Variants in CAMK4 observed in about 807,000 individuals in gnomAD.
CAMK4 encodes calcium/calmodulin dependent protein kinase IV, also known as calcium/calmodulin-dependent protein kinase type IV.
CAMK4 carries 22 observed loss-of-function variants against 44.9 expected under a neutral mutation model. The ratio of observed to expected loss-of-function variants is 0.49; its 90% CI spans 0.35 to 0.70. The LOEUF (loss-of-function observed/expected upper bound fraction) is 0.70. Ranked by LOEUF, CAMK4 falls within the 30% of genes least tolerant of loss-of-function variation. The pLI is 0.01. For synonymous variants in CAMK4, 218 were observed against 215.4 expected (o/e 1.01, Z -0.11); for missense variants, 498 against 586.8 (o/e 0.85, Z 1.56).
chr5:111,319,160 C>T (rs1167403892), intron 1 of CAMK4, among the ~76,000 whole-genome samples: 1 of 152,146 alleles, frequency 6.6e-6, no homozygotes, highest in East Asian at 1.9e-4. Flanking sequence ...CAATTCAAGG[C>T]AGTGTGCAAT....
At chr5:111,384,730 C>T (rs1751538127) in intron 4 of CAMK4, among the ~76,000 whole-genome samples, 1 of 152,286 alleles carries the variant, frequency 6.6e-6, no homozygotes, top group South Asian at 2.1e-4. Flanking sequence ...CCCAGTGCTT[C>T]TGCCCTGTTG....
At chr5:111,256,928 A>C (rs1469809375) in intron 1 of CAMK4, among the ~76,000 whole-genome samples, 1 of 152,114 alleles carries the variant, frequency 6.6e-6, no homozygotes, top group East Asian at 1.9e-4. Flanking sequence ...AAATCCGTTA[A>C]AAAAATAGAC....
At chr5:111,397,860 G>T (rs1430746876) in intron 5 of CAMK4, among the ~76,000 whole-genome samples, 1 of 152,092 alleles carries the variant, frequency 6.6e-6, no homozygotes, top group Non-Finnish European at 1.5e-5. Flanking sequence ...AGGGACATGT[G>T]CCCCTCAGTC....
At chr5:111,282,042 G>C (rs939654385) in intron 1 of CAMK4, among the ~76,000 whole-genome samples, 4 of 150,696 alleles carry the variant, frequency 2.7e-5, no homozygotes, top group African/African-American at 9.9e-5. Flanking sequence ...CTGGGCGACA[G>C]CGAGACTCCG....
chr5:111,259,821 T>A (rs940229746), intron 1 of CAMK4, among the ~76,000 whole-genome samples: 24 of 152,166 alleles, frequency 1.6e-4, no homozygotes, highest in Admixed American at 1.4e-3. Context: ...GGTGTGAAAG[T>A]GGATTTTTAT....
At position 111,427,511 on chromosome 5, in the gene CAMK4, G is replaced by C. The variant is rs1183844178; in HGVS notation, c.460-19175G>C. Among the ~76,000 whole-genome samples, 31 of 152,164 alleles carry C rather than the reference G, an allele frequency of 2.0e-4. 1 individual carries two copies. The highest frequency in any genetic ancestry group is 2.0e-3 in the Admixed American group (31 of 15,282). ...ATTTTGGACCCGCCCTACCCCAGAG[G>C]GGAGCCCACTGCCATGAAGGGTGAG... On this transcript the variant is annotated intron_variant, in intron 5 of 10. Coordinates refer to ENST00000282356, the MANE Select transcript of CAMK4 (RefSeq NM_001744.6).
chr5:111,482,121 A>T lies in CAMK4; in HGVS notation c.829-664A>T, dbSNP rs985013258. The T allele has an allele frequency of 2.6e-5, 4 of 152,104 alleles. No homozygotes were observed. The highest frequency in any genetic ancestry group is 5.9e-5 in the Non-Finnish European group (4 of 68,030). 9.4% of individuals were successfully genotyped at this position (152,104 alleles called of 1,614,324 possible). On this transcript the variant is annotated intron_variant, in intron 9 of 10. Transcript: ENST00000282356. This position sits in a 1 kb window ranked among gnomAD's most constrained non-coding sequence, Gnocchi z 4.9. ...TGCTGACCTTCCTGGGAATTTATTG[A>T]CTGCCCATCCTCACAAGCAGGGGTA...
chr5:111,473,007 A>G (rs1258231123), intron 7 of CAMK4, among the ~76,000 whole-genome samples: 2 of 152,212 alleles, frequency 1.3e-5, no homozygotes, highest in East Asian at 1.9e-4. Context: ...CCTTTGAAGT[A>G]TTGCGTCTTT....
rs1448229055 is a variant in CAMK4, at chr5:111,489,342, A to G, written c.*4876A>G. The G allele has an allele frequency of 6.6e-6, 1 of 152,178 alleles. No individual in the cohort carries two copies. Among genetic ancestry groups the G allele is most frequent in the Non-Finnish European group, 1.5e-5 (1 of 68,026 alleles). The allele number at this position is 152,178 out of a possible 1,614,324, so 9.4% of individuals were successfully genotyped here. A position where few individuals can be genotyped will look rare whatever the true frequency, so the allele number is the denominator to read the frequency against. Reference sequence around the variant, plus strand: ...TTCCTCTTTCTATATTTTGACCAATATATTAAGAGCAAATTTTGTCATTAT... The same window carrying G: ...TTCCTCTTTCTATATTTTGACCAATGTATTAAGAGCAAATTTTGTCATTAT... On this transcript the variant is annotated 3_prime_UTR_variant, in exon 11 of 11. Coordinates refer to ENST00000282356, the MANE Select transcript of CAMK4 (RefSeq NM_001744.6).
intron 2 of CAMK4, among the ~76,000 whole-genome samples, chr5:111,366,783 A>G (rs537255949): frequency 6.6e-6 from 1 of 152,176 alleles, no homozygotes; most frequent in East Asian, 1.9e-4. Flanking sequence ...GATTTCTTTC[A>G]GTTTTAAGAA....
At chr5:111,368,454 A>T (rs1750879573) in intron 2 of CAMK4, among the ~76,000 whole-genome samples, 1 of 152,182 alleles carries the variant, frequency 6.6e-6, no homozygotes, top group South Asian at 2.1e-4. Context: ...GGAAAGGTTG[A>T]AAGGAGATGG....
chr5:111,474,024 C>A lies in CAMK4; in HGVS notation c.701+638C>A, dbSNP rs146169351. On this transcript the variant is annotated intron_variant, in intron 8 of 10. Transcript: ENST00000282356. Reference sequence around the variant, plus strand: ...GAAATTTGCCAAAGACATGGTGGAACTGCAGGTGGTGATGAAAAAAATCAA... The same window carrying A: ...GAAATTTGCCAAAGACATGGTGGAAATGCAGGTGGTGATGAAAAAAATCAA... Among the ~76,000 whole-genome samples the A allele has an allele frequency of 6.4e-3, 976 of 152,212 alleles. 8 individuals are homozygous for A. Among genetic ancestry groups the A allele is most frequent in the African/African-American group, 0.022 (908 of 41,530 alleles).
intron 2 of CAMK4, among the ~76,000 whole-genome samples, chr5:111,355,774 T>C (rs1750322150): frequency 1.3e-5 from 2 of 151,218 alleles, no homozygotes; most frequent in East Asian, 1.9e-4. Context: ...GTCCTTGCGA[T>C]AGTTTACCGA....
chr5:111,444,857 G>A (rs916882843), intron 5 of CAMK4, among the ~76,000 whole-genome samples: 5 of 152,180 alleles, frequency 3.3e-5, no homozygotes, highest in Admixed American at 6.5e-5. Flanking sequence ...CTGATTGACC[G>A]AGAAGCTCAA....
intron 5 of CAMK4, among the ~76,000 whole-genome samples, chr5:111,422,822 T>G (rs34320058): frequency 0.09 from 13,722 of 152,270 alleles, 822 homozygotes; most frequent in South Asian, 0.14. Context: ...TTCACTTTCC[T>G]GAAATCCTGT....
chr5:111,316,338 T>C (rs1456774386), intron 1 of CAMK4, among the ~76,000 whole-genome samples: 1 of 152,208 alleles, frequency 6.6e-6, no homozygotes. Flanking sequence ...ACTGTCCCAC[T>C]TAACTGTTCT....
At chr5:111,324,791 A>G (rs1246294937) in intron 1 of CAMK4, among the ~76,000 whole-genome samples, 1 of 152,078 alleles carries the variant, frequency 6.6e-6, no homozygotes, top group African/African-American at 2.4e-5. Context: ...TCATATATTG[A>G]AACATAATAT....
At chr5:111,396,473 C>T (rs1249147869) in intron 5 of CAMK4, among the ~76,000 whole-genome samples, 1 of 151,934 alleles carries the variant, frequency 6.6e-6, no homozygotes, top group African/African-American at 2.4e-5. Context: ...TGGGTTTCAA[C>T]TCTTCCATTT....
Position 111,290,956 on chromosome 5 carries a change from C to G in CAMK4, c.162-53068C>G, listed in dbSNP as rs1393758336. 6.6e-6 allele frequency among the ~76,000 whole-genome samples: 1 copy of G among 152,124 alleles called. No homozygotes were observed. Among genetic ancestry groups the G allele is most frequent in the African/African-American group, 2.4e-5 (1 of 41,424 alleles). Reference sequence around the variant, plus strand: ...TAAATTAAGAAAATGCCACTTGGCTCTTTATGTTACCATGGGAAATTCTAA... The same window carrying G: ...TAAATTAAGAAAATGCCACTTGGCTGTTTATGTTACCATGGGAAATTCTAA... On this transcript the variant is annotated intron_variant, in intron 1 of 10. Coordinates refer to ENST00000282356, the MANE Select transcript of CAMK4 (RefSeq NM_001744.6). This position sits in a 1 kb window ranked among gnomAD's most constrained non-coding sequence, Gnocchi z 4.5.
Sources: allele counts gnomAD v4.1 joint callset (sites outside exome capture counted in the v4.1 genomes callset), GRCh38; gene constraint gnomAD v4.1.1; non-coding constraint Gnocchi (gnomAD v3.1); transcripts MANE v1.5; gene names NCBI Gene and HGNC (gene_info 2026-07-23, HGNC 2026-07-21).